RIF1: variants seen among roughly 807,000 people sequenced by gnomAD.
The protein encoded by RIF1 is replication timing regulatory factor 1.
In RIF1, 45 loss-of-function variants were observed where a neutral mutation model predicts 247.1. The observed-to-expected ratio is 0.18, with a 90% confidence interval of 0.14 to 0.23. The LOEUF is 0.23. Among genes scored for constraint, RIF1 ranks in the 10% least tolerant of loss-of-function variants. RIF1 has a pLI of 1.00. For missense variants in RIF1, 2,967 were observed against 2,862.5 expected, an observed-to-expected ratio of 1.04 and a Z score of -0.83; for synonymous variants, 1,087 against 978.8, an observed-to-expected ratio of 1.11 and a Z score of -2.06.
rs1308512715 is a variant in RIF1 at position 151,490,477 on chromosome 2, T to C, written c.*416-4752T>C. The C allele has an allele frequency of 5.6e-6, 9 of 1,609,004 alleles. No individual in the cohort carries two copies. In the South Asian group the frequency reaches 6.7e-5, roughly 12 times the overall value. On this transcript the variant is annotated intron_variant and NMD_transcript_variant, in intron 9 of 13. Transcript: ENST00000454583. ...TCACCCCCACTGATGCTTAGTGCAC[T>C]GGCAGATCGTGACTGCTCCCGGCTC...
intron 7 of RIF1, among the ~76,000 whole-genome samples, chr2:151,422,442 C>G (rs187362473): frequency 8.2e-4 from 125 of 151,896 alleles, no homozygotes; most frequent in Non-Finnish European, 1.5e-3. Context: ...AGAGCATTTA[C>G]TGTAAAAACT....
chr2:151,484,848 C>T (rs1474346490), downstream of RIF1, among the ~76,000 whole-genome samples: 10 of 152,318 alleles, frequency 6.6e-5, no homozygotes, highest in South Asian at 2.1e-3. Flanking sequence ...TGAGCTTCAG[C>T]CTCTAACCCA....
At chr2:151,502,876 T>C (rs1317065058) in intron 11 of RIF1, 3 of 1,595,206 alleles carry the variant, frequency 1.9e-6, no homozygotes, top group Non-Finnish European at 2.6e-6. Context: ...AAATTTTCTT[T>C]GTACAAAACC....
At chr2:151,517,059 A>G in the RIF1 span, among the ~76,000 whole-genome samples, 1 of 152,226 alleles carries the variant, frequency 6.6e-6, no homozygotes, top group Non-Finnish European at 1.5e-5. Context: ...AAACAACTCT[A>G]TGTGGGTCCT....
chr2:151,531,981 T>G, the RIF1 span: 1 of 756,928 alleles, frequency 1.3e-6, no homozygotes. Context: ...AACACCAGAG[T>G]GGGAGATGGT....
intron 9 of RIF1, among the ~76,000 whole-genome samples, chr2:151,491,037 CTTTT>C (rs35824119): frequency 2.2e-5 from 3 of 138,036 alleles, no homozygotes; most frequent in Admixed American, 7.3e-5. Context: ...ACATAATATC[CTTTT>C]TTTTTTTTTT....
At chr2:151,497,781 T>C in intron 10 of RIF1, 1 of 1,544,692 alleles carries the variant, frequency 6.5e-7, no homozygotes, top group Non-Finnish European at 8.7e-7. Context: ...TTGGGACTTT[T>C]TAAGGATGAG....
Position 151,480,147 on chromosome 2 carries a change from G to C in RIF1, c.*5076G>C, listed in dbSNP as rs535957246. 6.6e-6 allele frequency: 1 copy of C among 152,120 alleles called. No individual in the cohort carries two copies. The highest frequency in any genetic ancestry group is 1.5e-5 in the Non-Finnish European group (1 of 67,980). 9.4% of individuals were successfully genotyped at this position (152,120 alleles called of 1,614,324 possible). ...AAAACCAAATGTGTTATGGTAAGCT[G>C]TAAATACCGTTGGAATAAAAGATAA... On this transcript the variant is annotated 3_prime_UTR_variant, in exon 36 of 36. Transcript: ENST00000444746.
At chr2:151,492,942 C>T (rs1232918137) in intron 9 of RIF1, 1 of 185,610 alleles carries the variant, frequency 5.4e-6, no homozygotes, top group Non-Finnish European at 1.1e-5. Context: ...ACACTAAAAC[C>T]CCAAAATATA....
chr2:151,473,994 G>A lies in RIF1; in HGVS notation c.7126G>A (p.Val2376Ile). 6.3e-7 allele frequency: 1 copy of A among 1,597,972 alleles called. No individual in the cohort carries two copies. Among genetic ancestry groups the A allele is most frequent in the Non-Finnish European group, 8.6e-7 (1 of 1,167,712 alleles). ...VKTRGLEEIPVFDISEKTVNG... is the reference protein window; with the variant it reads ...VKTRGLEEIPIFDISEKTVNG... ...GACTCGTGGACTAGAAGAGATTCCA[G>A]TTTTTGATATTTCTGAAAAAACAGT... is the stretch of plus-strand genomic sequence containing the variant. Residue 2376 changes from valine to isoleucine, a missense_variant, in exon 35 of 36, where the codon GTT becomes ATT. By Grantham distance (29) the Val-to-Ile change is conservative. This residue lies in a region of RIF1 where 151 missense variants were observed against 163.4 expected (regional missense o/e 0.92). Transcript: ENST00000444746.
intron 30 of RIF1, among the ~76,000 whole-genome samples, chr2:151,466,562 CAT>C (rs749263319): frequency 3.2e-4 from 48 of 151,946 alleles, no homozygotes; most frequent in Admixed American, 3.3e-4. Context: ...AAAAAAAACT[CAT>C]GTGCCTTCAT....
the RIF1 span, among the ~76,000 whole-genome samples, chr2:151,516,117 T>C: frequency 6.6e-6 from 1 of 152,200 alleles, no homozygotes; most frequent in Admixed American, 6.5e-5. Context: ...AGTAGAGCAT[T>C]TCAAAGCCAA....
At chr2:151,488,618 C>T (rs2053287010) in intron 9 of RIF1, among the ~76,000 whole-genome samples, 1 of 151,978 alleles carries the variant, frequency 6.6e-6, no homozygotes, top group Non-Finnish European at 1.5e-5. Context: ...CACACTGCAG[C>T]CTGGGTGATA....
At chr2:151,470,232 A>T (rs1697588468) in intron 34 of RIF1, among the ~76,000 whole-genome samples, 1 of 152,096 alleles carries the variant, frequency 6.6e-6, no homozygotes, top group Non-Finnish European at 1.5e-5. Context: ...AGTATTGTGC[A>T]TATGAACATT....
chr2:151,477,395 G>A lies in RIF1; in HGVS notation c.*2324G>A, dbSNP rs1452585508. ...CATATTTAAGAAGAAAAAACTAGTGGCATACAGGATTGTCATGTAGTATCT... is the reference window on the plus strand; with the variant it reads ...CATATTTAAGAAGAAAAAACTAGTGACATACAGGATTGTCATGTAGTATCT... On this transcript the variant is annotated 3_prime_UTR_variant, in exon 36 of 36. Coordinates refer to ENST00000444746, the MANE Select transcript of RIF1 (RefSeq NM_018151.5). 4 of 151,592 alleles carry A rather than the reference G, an allele frequency of 2.6e-5. No individual in the cohort carries two copies. Among genetic ancestry groups the A allele is most frequent in the Admixed American group, 2.0e-4 (3 of 15,236 alleles). The allele number at this position is 151,592 out of a possible 1,614,324, so 9.4% of individuals were successfully genotyped here.
chr2:151,496,842 A>G, intron 10 of RIF1: 1 of 1,351,516 alleles, frequency 7.4e-7, no homozygotes, highest in Non-Finnish European at 1.0e-6. Flanking sequence ...GAAGTTCACA[A>G]AATTTGTCTT....
Position 151,502,821 on chromosome 2 carries a change from ACTCT to A in RIF1, c.*710-209_*710-206del, listed in dbSNP as rs2153102752. The A allele has an allele frequency of 6.2e-7, 1 of 1,607,944 alleles. No individual in the cohort carries two copies. The highest frequency in any genetic ancestry group is 8.5e-7 in the Non-Finnish European group (1 of 1,176,864). On this transcript the variant is annotated intron_variant and NMD_transcript_variant, in intron 11 of 13. Transcript: ENST00000454583. ...GCTAAAGTTCTCTTGATTGCGTTTG[ACTCT>A]CTCCATCTCTGGAGTGATAGGTGTT...
At position 151,410,545 on chromosome 2, in the gene RIF1, G is replaced by A; in HGVS notation, c.104+18G>A. The A allele has an allele frequency of 6.3e-7, 1 of 1,599,008 alleles. No homozygotes were observed. The highest frequency in any genetic ancestry group is 8.6e-7 in the Non-Finnish European group (1 of 1,166,924). On this transcript the variant is annotated intron_variant, in intron 2 of 35. Transcript: ENST00000444746. ...CTGACCAGGTGAGGTCCGCCACGGG[G>A]CGTAGCGGAGAGTGGGGCGCTCTAT...
intron 9 of RIF1, among the ~76,000 whole-genome samples, chr2:151,432,283 T>C (rs914528697): frequency 2.0e-5 from 3 of 152,256 alleles, no homozygotes; most frequent in African/African-American, 7.2e-5. Context: ...GTGCCAGGAT[T>C]ATAGGCGTGA....
Sources: gnomAD v4.1 joint callset for allele counts (sites outside exome capture counted in the v4.1 genomes callset) on GRCh38, gnomAD v4.1.1 for gene constraint, gnomAD v4.1.1 regional missense constraint, MANE v1.5 for transcripts, NCBI Gene and HGNC (gene_info 2026-07-23, HGNC 2026-07-21) for gene names.